XRCC4: variants seen among roughly 807,000 people sequenced by gnomAD.
XRCC4 encodes the protein DNA repair protein XRCC4.
Under a neutral mutation model 39.1 loss-of-function variants are expected in XRCC4, and 28 were observed. That is an observed-to-expected ratio of 0.72 (90% CI 0.53 to 0.98). The LOEUF (loss-of-function observed/expected upper bound fraction) is 0.98, where lower values mean the gene tolerates loss of function less well. Among genes scored for constraint, XRCC4 ranks in the 50% least tolerant of loss-of-function variants. The pLI, the probability that XRCC4 is intolerant of heterozygous loss-of-function variation, is 0.00. For missense variants in XRCC4, 350 were observed against 376.4 expected (o/e 0.93, Z 0.58); for synonymous variants, 123 against 126.4 (o/e 0.97, Z 0.18).
At chr5:83,138,929 T>C (rs893235767) in intron 3 of XRCC4, among the ~76,000 whole-genome samples, 11 of 152,110 alleles carry the variant, frequency 7.2e-5, no homozygotes, top group African/African-American at 2.7e-4. Context: ...TTTAGACTTA[T>C]AGAGAAGTTG....
chr5:83,349,662 A>AT (rs1360332347), intron 7 of XRCC4, among the ~76,000 whole-genome samples: 4 of 152,250 alleles, frequency 2.6e-5, no homozygotes, highest in East Asian at 1.9e-4. Flanking sequence ...TCATATGCTG[A>AT]TTTTTTTAAA....
intron 1 of XRCC4, among the ~76,000 whole-genome samples, chr5:83,097,062 A>G (rs571841448): frequency 1.1e-4 from 16 of 152,312 alleles, no homozygotes; most frequent in Non-Finnish European, 2.2e-4. Flanking sequence ...TATACTCAGA[A>G]CAGAGTCTTG....
chr5:83,255,829 G>A (rs1753516045), intron 6 of XRCC4, among the ~76,000 whole-genome samples: 1 of 152,076 alleles, frequency 6.6e-6, no homozygotes, highest in Non-Finnish European at 1.5e-5. Flanking sequence ...GATTCTTCCT[G>A]ACTTCAAACA....
chr5:83,260,546 T>G (rs1753713400), intron 7 of XRCC4, among the ~76,000 whole-genome samples: 1 of 152,086 alleles, frequency 6.6e-6, no homozygotes, highest in Non-Finnish European at 1.5e-5. Flanking sequence ...TCACTCTATG[T>G]GTGAACCAAA....
intron 7 of XRCC4, among the ~76,000 whole-genome samples, chr5:83,296,163 A>C (rs1017123494): frequency 1.3e-5 from 2 of 152,112 alleles, no homozygotes; most frequent in African/African-American, 4.8e-5. Flanking sequence ...CTTTATGCCA[A>C]AGTATTAAGT....
intron 3 of XRCC4, among the ~76,000 whole-genome samples, chr5:83,189,750 T>C (rs1258197975): frequency 1.3e-5 from 2 of 152,188 alleles, no homozygotes. Context: ...GCATTTGTGA[T>C]GTTCTTTATT....
intron 7 of XRCC4, among the ~76,000 whole-genome samples, chr5:83,306,723 A>G (rs1755501253): frequency 1.3e-5 from 2 of 152,080 alleles, no homozygotes; most frequent in South Asian, 4.1e-4. Flanking sequence ...TCCCTCCCTG[A>G]CTCCAGCAAT....
chr5:83,176,929 G>T (rs1321134593), intron 3 of XRCC4, among the ~76,000 whole-genome samples: 1 of 152,076 alleles, frequency 6.6e-6, no homozygotes, highest in Non-Finnish European at 1.5e-5. Context: ...GCTGGGAAAT[G>T]ATTCTTGGTA....
rs964053104 is a variant in XRCC4, at chr5:83,111,544, A to G, written c.315+341A>G. ...GTCTTATTGAAAAAAGTTTTGTGAA[A>G]TATTGATTTTAAGAAATAAAATCAA... On this transcript the variant is annotated intron_variant, in intron 3 of 7. Coordinates refer to ENST00000396027, the MANE Select transcript of XRCC4 (RefSeq NM_003401.5). Among the ~76,000 whole-genome samples, 20 of 141,022 alleles carry G rather than the reference A, an allele frequency of 1.4e-4. No individual in the cohort carries two copies. In the East Asian group the frequency reaches 4.2e-3, roughly 30 times the overall value. 92.5% of individuals were successfully genotyped at this position (141,022 alleles called of 152,430 possible).
chr5:83,144,267 CTGTGTGTGTG>C (rs56769195), intron 3 of XRCC4, among the ~76,000 whole-genome samples: 2,848 of 140,118 alleles, frequency 0.02, 76 homozygotes, highest in East Asian at 0.074. Flanking sequence ...TAATATTCCT[CTGTGTGTGTG>C]TGTGTGTGTG....
intron 3 of XRCC4, among the ~76,000 whole-genome samples, chr5:83,157,104 C>A (rs1332665361): frequency 1.3e-5 from 2 of 152,082 alleles, no homozygotes; most frequent in African/African-American, 2.4e-5. Context: ...AAATGAAAGT[C>A]TGCATAATTA....
intron 6 of XRCC4, among the ~76,000 whole-genome samples, chr5:83,239,307 G>A (rs1037941420): frequency 6.6e-6 from 1 of 152,086 alleles, no homozygotes; most frequent in African/African-American, 2.4e-5. Flanking sequence ...TGTCATAGAT[G>A]GTACTCAATA....
chr5:83,183,794 C>T (rs569357312), intron 3 of XRCC4, among the ~76,000 whole-genome samples: 4 of 152,020 alleles, frequency 2.6e-5, no homozygotes, highest in South Asian at 4.2e-4. Context: ...GCATGGTTAC[C>T]GTCTATCATA....
intron 3 of XRCC4, among the ~76,000 whole-genome samples, chr5:83,144,267 C>CTGTGTGTGTG (rs56769195): frequency 0.083 from 11,605 of 139,990 alleles, 607 homozygotes; most frequent in Middle Eastern, 0.12. Context: ...TAATATTCCT[C>CTGTGTGTGTG]TGTGTGTGTG....
the XRCC4 span, among the ~76,000 whole-genome samples, chr5:83,367,389 C>A: frequency 5.4e-4 from 82 of 152,272 alleles, no homozygotes; most frequent in African/African-American, 1.9e-3. Flanking sequence ...AAAATAAAAC[C>A]TTAGCCTTCA....
At chr5:83,248,143 A>G (rs145143968) in intron 6 of XRCC4, among the ~76,000 whole-genome samples, 1 of 152,282 alleles carries the variant, frequency 6.6e-6, no homozygotes, top group East Asian at 1.9e-4. Flanking sequence ...TTCTGGCATA[A>G]GATTGATCAT....
chr5:83,245,503 T>A (rs922180288), intron 6 of XRCC4, among the ~76,000 whole-genome samples: 18 of 152,068 alleles, frequency 1.2e-4, no homozygotes, highest in Non-Finnish European at 2.5e-4. Context: ...AATATAATTG[T>A]TATTGTCATA....
At chr5:83,372,754 CA>C in the XRCC4 span, among the ~76,000 whole-genome samples, 1 of 152,080 alleles carries the variant, frequency 6.6e-6, no homozygotes, top group African/African-American at 2.4e-5. Flanking sequence ...TCCTCATACT[CA>C]AAAAACTGGG....
intron 3 of XRCC4, among the ~76,000 whole-genome samples, chr5:83,154,890 G>A (rs1748883987): frequency 6.6e-6 from 1 of 152,114 alleles, no homozygotes; most frequent in Admixed American, 6.5e-5. Context: ...TCATCCCACT[G>A]TCATCTCTTA....
Sources: allele counts gnomAD v4.1 joint callset (sites outside exome capture counted in the v4.1 genomes callset), GRCh38; gene constraint gnomAD v4.1.1; transcripts MANE v1.5; gene names NCBI Gene and HGNC (gene_info 2026-07-23, HGNC 2026-07-21).